MRTFB: variants seen among roughly 807,000 people sequenced by gnomAD.
The protein encoded by MRTFB is myocardin related transcription factor B.
In MRTFB, 29 loss-of-function variants were observed where a neutral mutation model predicts 104.2. That is an observed-to-expected ratio of 0.28 (90% CI 0.21 to 0.38). The LOEUF is 0.38. Ranked by LOEUF, MRTFB falls within the 10% of genes least tolerant of loss-of-function variation. The pLI is 1.00. For missense variants in MRTFB, 1,270 were observed against 1,341.6 expected, an observed-to-expected ratio of 0.95 and a Z score of 0.83; for synonymous variants, 535 against 519.5, an observed-to-expected ratio of 1.03 and a Z score of -0.41.
chr16:14,220,640 G>T (rs1159800674), intron 8 of MRTFB, among the ~76,000 whole-genome samples: 2 of 151,770 alleles, frequency 1.3e-5, no homozygotes, highest in African/African-American at 2.4e-5. Context: ...GAATAAATAT[G>T]GTCTGTTTAT....
the MRTFB span, among the ~76,000 whole-genome samples, chr16:14,018,091 T>C: frequency 6.6e-6 from 1 of 151,972 alleles, no homozygotes; most frequent in African/African-American, 2.4e-5. Context: ...TAAAAACATA[T>C]ATGGAATTTC....
chr16:14,092,771 T>C (rs1040781705), intron 2 of MRTFB: 2 of 152,136 alleles, frequency 1.3e-5, no homozygotes, highest in Non-Finnish European at 2.9e-5. Context: ...CTTGGAACAA[T>C]ACAGATTGTA....
chr16:14,126,265 A>G (rs1416576510), intron 2 of MRTFB, among the ~76,000 whole-genome samples: 3 of 152,132 alleles, frequency 2.0e-5, no homozygotes, highest in Non-Finnish European at 4.4e-5. Flanking sequence ...TAGAAATCCA[A>G]ATGTCTGTTA....
chr16:13,996,133 A>C, the MRTFB span, among the ~76,000 whole-genome samples: 1 of 152,184 alleles, frequency 6.6e-6, no homozygotes, highest in African/African-American at 2.4e-5. Context: ...TTAGCCAGGC[A>C]TGGTAGTACA....
At chr16:14,198,084 A>G (rs561900814) in intron 3 of MRTFB, among the ~76,000 whole-genome samples, 64 of 152,338 alleles carry the variant, frequency 4.2e-4, no homozygotes, top group African/African-American at 1.3e-3. Context: ...GGACTCATAC[A>G]ATATGTGAGC....
At chr16:14,068,963 CTTTT>C (rs989515330), upstream of MRTFB, among the ~76,000 whole-genome samples, 148 of 100,156 alleles carry the variant, frequency 1.5e-3, no homozygotes, top group African/African-American at 6.5e-3. Context: ...GATTCTCCAG[CTTTT>C]TTTTTTTTTT....
intron 10 of MRTFB, among the ~76,000 whole-genome samples, chr16:14,241,963 CCAATAATAA>C (rs1483951993): frequency 2.7e-5 from 3 of 110,504 alleles, no homozygotes; most frequent in East Asian, 5.4e-4. Context: ...GCATTGGGCA[CCAATAATAA>C]TAATAATAAT....
intron 1 of MRTFB, among the ~76,000 whole-genome samples, chr16:14,078,140 C>A (rs1354514315): frequency 6.6e-6 from 1 of 152,070 alleles, no homozygotes; most frequent in Non-Finnish European, 1.5e-5. Context: ...TACTGTCCCC[C>A]ACCCAGTCAA....
rs146461570 is a variant in MRTFB, at chr16:14,232,713, C to G, written c.694-1433C>G. ...GTCTCAGCGGGGCTTGAGAACGTGACCCAGTGTGAGTAAAGCCAGAAGAAA... is the reference window on the plus strand; with the variant it reads ...GTCTCAGCGGGGCTTGAGAACGTGAGCCAGTGTGAGTAAAGCCAGAAGAAA... On this transcript the variant is annotated intron_variant, in intron 8 of 16. Transcript: ENST00000571589. 6.6e-4 allele frequency among the ~76,000 whole-genome samples: 100 copies of G among 152,254 alleles called. 1 individual carries two copies. In the East Asian group the frequency reaches 0.018, roughly 27 times the overall value.
At chr16:14,062,637 T>A in the MRTFB span, among the ~76,000 whole-genome samples, 1 of 152,186 alleles carries the variant, frequency 6.6e-6, no homozygotes, top group East Asian at 1.9e-4. Context: ...CGTCCTTGGA[T>A]GGAAACGCGA....
chr16:14,065,754 A>T, the MRTFB span, among the ~76,000 whole-genome samples: 155 of 151,974 alleles, frequency 1.0e-3, 2 homozygotes, highest in African/African-American at 3.5e-3. Flanking sequence ...CTAAAAAAAA[A>T]TTTTTTTTAA....
At chr16:14,184,988 T>C (rs2039898202) in intron 3 of MRTFB, among the ~76,000 whole-genome samples, 1 of 152,216 alleles carries the variant, frequency 6.6e-6, no homozygotes, top group South Asian at 2.1e-4. Flanking sequence ...GCAAAACAGC[T>C]AATTAAGTGA....
chr16:14,193,678 G>A (rs1389074586), intron 3 of MRTFB: 10 of 152,112 alleles, frequency 6.6e-5, no homozygotes, highest in Admixed American at 5.2e-4. Context: ...CTACTCACTT[G>A]GTAAATACTA....
intron 2 of MRTFB, among the ~76,000 whole-genome samples, chr16:14,089,980 CTT>C (rs1229331169): frequency 6.6e-6 from 1 of 152,114 alleles, no homozygotes; most frequent in Non-Finnish European, 1.5e-5. Flanking sequence ...AATGGACTGT[CTT>C]TTTATTGAGT....
At chr16:14,189,249 C>G (rs2040072242) in intron 3 of MRTFB, among the ~76,000 whole-genome samples, 1 of 152,148 alleles carries the variant, frequency 6.6e-6, no homozygotes, top group East Asian at 1.9e-4. Context: ...ACTCGGTTCT[C>G]TTTGCAAAAT....
At chr16:14,211,465 T>G (rs2041186428) in intron 4 of MRTFB, among the ~76,000 whole-genome samples, 2 of 152,218 alleles carry the variant, frequency 1.3e-5, no homozygotes, top group Admixed American at 1.3e-4. Context: ...AAGAGCTGAT[T>G]GGTCAAGTCT....
chr16:14,179,753 G>A (rs1044266266), intron 3 of MRTFB, among the ~76,000 whole-genome samples: 2 of 152,224 alleles, frequency 1.3e-5, no homozygotes, highest in African/African-American at 2.4e-5. Flanking sequence ...TCTGGGGAGT[G>A]GTCAGAGGAC....
chr16:14,223,301 C>T (rs2041825432), intron 8 of MRTFB, among the ~76,000 whole-genome samples: 1 of 151,794 alleles, frequency 6.6e-6, no homozygotes, highest in African/African-American at 2.4e-5. Flanking sequence ...CAGAGCGAGA[C>T]CCTACACACA....
intron 3 of MRTFB, among the ~76,000 whole-genome samples, chr16:14,209,083 T>C (rs1244570152): frequency 6.6e-6 from 1 of 152,200 alleles, no homozygotes; most frequent in East Asian, 1.9e-4. Flanking sequence ...GAACTTTACC[T>C]AAGACTGTGC....
Sources: gnomAD v4.1 joint callset for allele counts (sites outside exome capture counted in the v4.1 genomes callset) on GRCh38, gnomAD v4.1.1 for gene constraint, MANE v1.5 for transcripts, NCBI Gene and HGNC (gene_info 2026-07-23, HGNC 2026-07-21) for gene names.